The following FNDC1 variants were observed in gnomAD, a reference collection of about 807,000 sequenced individuals.
FNDC1 encodes fibronectin type III domain containing 1.
A neutral mutation model predicts 168.0 loss-of-function variants in FNDC1; 96 were observed. That is an observed-to-expected ratio of 0.57 (90% CI 0.48 to 0.68). The LOEUF (loss-of-function observed/expected upper bound fraction) is 0.68, where lower values mean the gene tolerates loss of function less well. FNDC1 is among the 30% of genes least tolerant of loss of function. FNDC1 has a pLI of 0.00. For missense variants in FNDC1, 2,587 were observed against 2,482.1 expected (o/e 1.04, Z -0.90); for synonymous variants, 1,099 against 1,025.9 (o/e 1.07, Z -1.36).
In FNDC1 at chr6:159,249,109, G is replaced by T. The variant is rs754487880; in HGVS notation, c.4761G>T (p.Val1587=). ...EPSTTATTPR[V]IPEEGAISSF... ...CGACCACTGCTACCACACCGAGGGTGATCCCAGAGGAAGGCGCCATCAGTT... is the reference window on the plus strand; with the variant it reads ...CGACCACTGCTACCACACCGAGGGTTATCCCAGAGGAAGGCGCCATCAGTT... The change falls in exon 16 of 23, where the codon GTG becomes GTT. Residue 1587 remains valine, a synonymous_variant. Transcript: ENST00000297267. 6.2e-7 allele frequency: 1 copy of T among 1,609,314 alleles called. No homozygotes were observed. Among genetic ancestry groups the T allele is most frequent in the South Asian group, 1.1e-5 (1 of 89,694 alleles).
chr6:159,261,980 T>A (rs1249107638), intron 19 of FNDC1, among the ~76,000 whole-genome samples: 1 of 152,070 alleles, frequency 6.6e-6, no homozygotes. Context: ...TAGTGGTGCA[T>A]GTCTGTAGTC....
At chr6:159,229,183 G>T (rs1035449297) in intron 9 of FNDC1, among the ~76,000 whole-genome samples, 6 of 152,124 alleles carry the variant, frequency 3.9e-5, no homozygotes, top group Non-Finnish European at 8.8e-5. Flanking sequence ...TGACTATAGA[G>T]CAAGCCAATT....
At chr6:159,228,138 C>T (rs1321311995) in intron 9 of FNDC1, among the ~76,000 whole-genome samples, 1 of 152,132 alleles carries the variant, frequency 6.6e-6, no homozygotes, top group Non-Finnish European at 1.5e-5. Context: ...TTCCTCTCTC[C>T]CTCATCTGAG....
At position 159,227,093 on chromosome 6, in the gene FNDC1, C is replaced by CA. The variant is rs779670060; in HGVS notation, c.1180+520dup. On this transcript the variant is annotated intron_variant, in intron 9 of 22. Coordinates refer to ENST00000297267, the MANE Select transcript of FNDC1 (RefSeq NM_032532.3). ...CAAGGAAAACATAACACCAAAATAG[C>CA]AAAAAAACCTAGATATTTTAAAGAA... Among the ~76,000 whole-genome samples, 80 of 151,732 alleles carry CA rather than the reference C, an allele frequency of 5.3e-4. 2 individuals carry two copies. The highest frequency in any genetic ancestry group is 5.1e-3 in the Admixed American group (78 of 15,242).
intron 1 of FNDC1, among the ~76,000 whole-genome samples, chr6:159,191,197 C>G (rs1379238819): frequency 6.6e-6 from 1 of 152,176 alleles, no homozygotes; most frequent in African/African-American, 2.4e-5. Context: ...TCTCATCACC[C>G]CCTACCTCCA....
chr6:159,249,193 T>C lies in FNDC1; in HGVS notation c.4834+11T>C, dbSNP rs1777205661. 1.9e-6 allele frequency: 3 copies of C among 1,605,992 alleles called. No homozygotes were observed. The highest frequency in any genetic ancestry group is 2.5e-6 in the Non-Finnish European group (3 of 1,176,688). Reference sequence around the variant, plus strand: ...GGAAACGATTTGTTGGTAAATATAATGTCCTTAATCAGAGAAACATGGGTT... The same window carrying C: ...GGAAACGATTTGTTGGTAAATATAACGTCCTTAATCAGAGAAACATGGGTT... On this transcript the variant is annotated intron_variant, in intron 16 of 22. Transcript: ENST00000297267.
intron 4 of FNDC1, among the ~76,000 whole-genome samples, chr6:159,203,385 G>A (rs1262448293): frequency 6.6e-6 from 1 of 152,190 alleles, no homozygotes; most frequent in Non-Finnish European, 1.5e-5. Flanking sequence ...GACTGTGAGG[G>A]TGAAGCCATG....
At chr6:159,241,323 A>C (rs1783415764) in intron 14 of FNDC1, among the ~76,000 whole-genome samples, 2 of 152,316 alleles carry the variant, frequency 1.3e-5, no homozygotes, top group Admixed American at 6.5e-5. Context: ...TACGGCTGCT[A>C]TTATTTCACA....
intron 19 of FNDC1, among the ~76,000 whole-genome samples, chr6:159,263,954 TCAAA>T (rs370405760): frequency 8.5e-5 from 13 of 152,124 alleles, no homozygotes; most frequent in African/African-American, 2.2e-4. Flanking sequence ...AAACTCCGTC[TCAAA>T]CAAACAAACA....
Position 159,204,771 on chromosome 6 carries a change from C to T in FNDC1, c.460+4190C>T, listed in dbSNP as rs9457565. ...CAGCTTGTCAGAGCTGGTTTTCTCACTTCATCCAGGTCCTCAGTGCTGCTT... is the reference window on the plus strand; with the variant it reads ...CAGCTTGTCAGAGCTGGTTTTCTCATTTCATCCAGGTCCTCAGTGCTGCTT... On this transcript the variant is annotated intron_variant, in intron 4 of 22. Transcript: ENST00000297267. Among the ~76,000 whole-genome samples the T allele has an allele frequency of 2.0e-3, 303 of 152,334 alleles. 1 individual carries two copies. The highest frequency in any genetic ancestry group is 6.9e-3 in the African/African-American group (288 of 41,580).
intron 19 of FNDC1, among the ~76,000 whole-genome samples, chr6:159,262,032 C>T (rs1454894032): frequency 6.6e-6 from 1 of 152,138 alleles, no homozygotes; most frequent in Non-Finnish European, 1.5e-5. Flanking sequence ...GGTTTGAGCC[C>T]AGAAGGTTGA....
At chr6:159,193,364 A>G (rs1049451994) in intron 1 of FNDC1, among the ~76,000 whole-genome samples, 1 of 152,196 alleles carries the variant, frequency 6.6e-6, no homozygotes, top group African/African-American at 2.4e-5. Flanking sequence ...CTGGAGGTTC[A>G]TGGCCCTTGT....
At position 159,201,059 on chromosome 6, in the gene FNDC1, CTGTT is replaced by C. The variant is rs1782368631; in HGVS notation, c.460+484_460+487del. On this transcript the variant is annotated intron_variant, in intron 4 of 22. Coordinates refer to ENST00000297267, the MANE Select transcript of FNDC1 (RefSeq NM_032532.3). ...CCATCTCTGCTCCATATTTGTGTAT[CTGTT>C]TGTTTTCTCATTTGGATGTTGATGT... Among the ~76,000 whole-genome samples, 7 of 152,276 alleles carry C rather than the reference CTGTT, an allele frequency of 4.6e-5. No homozygotes were observed. The South Asian group carries it at 1.5e-3, about 32-fold the overall frequency.
intron 7 of FNDC1, 58 bp downstream of exon 7, chr6:159,223,703 A>G: frequency 1.0e-6 from 1 of 986,272 alleles, no homozygotes. Flanking sequence ...TCTGGCCCTG[A>G]AAAGACATGT....
At chr6:159,241,903 C>T (rs545639883) in intron 14 of FNDC1, among the ~76,000 whole-genome samples, 1 of 152,326 alleles carries the variant, frequency 6.6e-6, no homozygotes, top group African/African-American at 2.4e-5. Flanking sequence ...CCAAAGTTCC[C>T]TCCCACTCCC....
At chr6:159,268,918 C>G (rs1257553295) in intron 22 of FNDC1, among the ~76,000 whole-genome samples, 1 of 149,946 alleles carries the variant, frequency 6.7e-6, no homozygotes, top group African/African-American at 2.5e-5. Flanking sequence ...TGTTCATCTG[C>G]TTGTCTATCT....
At chr6:159,195,728 G>C (rs1001449533) in intron 1 of FNDC1, among the ~76,000 whole-genome samples, 1 of 152,176 alleles carries the variant, frequency 6.6e-6, no homozygotes, top group African/African-American at 2.4e-5. Context: ...AGTAAATCAT[G>C]TTCTGGCCTA....
intron 18 of FNDC1, among the ~76,000 whole-genome samples, chr6:159,257,125 T>C (rs113559740): frequency 3.1e-4 from 47 of 152,340 alleles, no homozygotes; most frequent in African/African-American, 1.1e-3. Context: ...GGCCAGAGAA[T>C]CATTTTGGAA....
intron 1 of FNDC1, among the ~76,000 whole-genome samples, chr6:159,185,954 A>C (rs948373183): frequency 1.3e-5 from 2 of 152,214 alleles, no homozygotes; most frequent in Non-Finnish European, 2.9e-5. Flanking sequence ...TCAGACGGTT[A>C]TATATTAGTT....
Sources: allele counts gnomAD v4.1 joint callset (sites outside exome capture counted in the v4.1 genomes callset), GRCh38; gene constraint gnomAD v4.1.1; transcripts MANE v1.5; gene names NCBI Gene and HGNC (gene_info 2026-07-23, HGNC 2026-07-21).